TRPA1: variants seen among roughly 807,000 people sequenced by gnomAD.
TRPA1 encodes the protein transient receptor potential cation channel subfamily A member 1.
TRPA1 carries 129 observed loss-of-function variants against 131.3 expected under a neutral mutation model. The ratio of observed to expected loss-of-function variants is 0.98; its 90% CI spans 0.85 to 1.14. The LOEUF is 1.14. Ranked by LOEUF, TRPA1 falls within the 50% of genes most tolerant of loss-of-function variation. The pLI is 0.00. For synonymous variants in TRPA1, 441 were observed against 451.7 expected (o/e 0.98, Z 0.30); for missense variants, 1,304 against 1,354.2 (o/e 0.96, Z 0.58).
At position 72,057,749 on chromosome 8, in the gene TRPA1, G is replaced by C; in HGVS notation, c.1061C>G (p.Ser354Cys). Residue 354 changes from serine to cysteine, a missense_variant, in exon 9 of 27, where the codon TCT (serine) becomes TGT (cysteine). Physicochemically the swap from Ser to Cys is moderately radical, Grantham distance 112 (BLOSUM62 -1). Coordinates refer to ENST00000262209, the MANE Select transcript of TRPA1 (RefSeq NM_007332.3). ...SPLILATASA[S>C]WNIVNLLLSK... The stretch of plus-strand genomic sequence containing the variant: ...GAGTAGCAAATTTACAATATTCCAA[G>C]ATGCAGAAGCAGTTGCTAATATAAG... The C allele has an allele frequency of 6.2e-7, 1 of 1,613,928 alleles. No individual in the cohort carries two copies. The highest frequency in any genetic ancestry group is 8.5e-7 in the Non-Finnish European group (1 of 1,179,880).
At chr8:72,067,125 C>A (rs1465321496) in intron 3 of TRPA1, among the ~76,000 whole-genome samples, 1 of 152,128 alleles carries the variant, frequency 6.6e-6, no homozygotes, top group East Asian at 1.9e-4. Context: ...TACTTTACAA[C>A]CATTATAGGC....
At chr8:72,041,814 G>GA (rs1261588304) in intron 17 of TRPA1, among the ~76,000 whole-genome samples, 27 of 151,326 alleles carry the variant, frequency 1.8e-4, no homozygotes, top group African/African-American at 6.3e-4. Context: ...AAAGAAAGAA[G>GA]AACAGACTAA....
intron 14 of TRPA1, 60 bp downstream of exon 14, chr8:72,052,539 A>C (rs752007632): frequency 1.2e-6 from 2 of 1,600,478 alleles, no homozygotes; most frequent in South Asian, 2.2e-5. Flanking sequence ...TTTGTCTCAG[A>C]CTTCAAATCA....
At position 72,075,287 on chromosome 8, in the gene TRPA1, C is replaced by T. The variant is rs368154981; in HGVS notation, c.111+12G>A. 2.5e-6 allele frequency: 4 copies of T among 1,606,010 alleles called. No homozygotes were observed. The highest frequency in any genetic ancestry group is 2.6e-6 in the Non-Finnish European group (3 of 1,173,590). On this transcript the variant is annotated intron_variant, in intron 1 of 26. Transcript: ENST00000262209. The stretch of plus-strand genomic sequence containing the variant: ...GTCGGAACCCCTCCAGACCCGCGAG[C>T]CCCCAGAGTACCTTAAGCGATTCCT...
chr8:72,085,224 G>C, the TRPA1 span, among the ~76,000 whole-genome samples: 4 of 152,016 alleles, frequency 2.6e-5, no homozygotes, highest in South Asian at 8.3e-4. Flanking sequence ...ATATATGGCT[G>C]AAGTTCCATT....
chr8:72,039,535 C>T (rs1812174706), intron 18 of TRPA1, among the ~76,000 whole-genome samples, 192 bp downstream of exon 18: 1 of 151,804 alleles, frequency 6.6e-6, no homozygotes, highest in Non-Finnish European at 1.5e-5. Flanking sequence ...TTTATTTGGT[C>T]TTTTTCACTT....
intron 14 of TRPA1, among the ~76,000 whole-genome samples, chr8:72,052,340 G>A (rs1043249869): frequency 1.3e-5 from 2 of 152,080 alleles, no homozygotes; most frequent in African/African-American, 2.4e-5. Flanking sequence ...GAGAATTGCT[G>A]AAGCCCGGGA....
At chr8:72,054,805 C>T (rs1009171953) in intron 12 of TRPA1, 11 of 152,342 alleles carry the variant, frequency 7.2e-5, no homozygotes, top group Non-Finnish European at 1.3e-4. Context: ...GGTAAGATAT[C>T]AAATGAAAAA....
At chr8:72,053,682 A>C in intron 13 of TRPA1, 71 bp downstream of exon 13, 1 of 1,117,912 alleles carries the variant, frequency 8.9e-7, no homozygotes, top group Non-Finnish European at 1.3e-6. Flanking sequence ...TGTCTAGGAG[A>C]GTTTTCTGGC....
chr8:72,054,705 GTA>G (rs1805616721), intron 12 of TRPA1: 1 of 152,308 alleles, frequency 6.6e-6, no homozygotes, highest in Admixed American at 6.6e-5. Flanking sequence ...ATTCATTCAT[GTA>G]GCTGTAGCAC....
At chr8:72,024,801 C>T (rs781418216) in intron 25 of TRPA1, among the ~76,000 whole-genome samples, 34 of 152,124 alleles carry the variant, frequency 2.2e-4, no homozygotes, top group Non-Finnish European at 4.4e-4. Flanking sequence ...CATTCTGTTT[C>T]GGTAGTAATT....
At chr8:72,028,015 A>T (rs1455866317) in intron 24 of TRPA1, among the ~76,000 whole-genome samples, 1 of 152,224 alleles carries the variant, frequency 6.6e-6, no homozygotes, top group East Asian at 1.9e-4. Flanking sequence ...TATTTTAAAG[A>T]GCTGTTAGGG....
At chr8:72,075,859 AGTGTGTGTGTGTGTGTGTGTGTGT>A (rs61575164), upstream of TRPA1, among the ~76,000 whole-genome samples, 10 of 135,032 alleles carry the variant, frequency 7.4e-5, no homozygotes, top group South Asian at 5.2e-4. Flanking sequence ...CTTGCATGTG[AGTGTGTGTGTGTGTGTGTGTGTGT>A]GTGTGTGTGT....
At chr8:72,079,800 T>C (rs1806255435), upstream of TRPA1, among the ~76,000 whole-genome samples, 2 of 151,984 alleles carry the variant, frequency 1.3e-5, no homozygotes, top group Admixed American at 1.3e-4. Flanking sequence ...AAACATGGTA[T>C]ATTTTCAGTT....
rs1206621508 is a variant in TRPA1, at chr8:72,022,714, C to T, written c.*192G>A. On this transcript the variant is annotated 3_prime_UTR_variant, in exon 27 of 27. Coordinates refer to ENST00000262209, the MANE Select transcript of TRPA1 (RefSeq NM_007332.3). ...TTGAACATATCTGCAAAGATATCCC[C>T]AATACATAGTGATTGGTAGAAAATA... 11 of 658,464 alleles carry T rather than the reference C, an allele frequency of 1.7e-5. No homozygotes were observed. The highest frequency in any genetic ancestry group is 8.8e-5 in the Admixed American group (4 of 45,210). The allele number at this position is 658,464 out of a possible 1,614,324, so 40.8% of individuals were successfully genotyped here.
At chr8:72,034,110 A>T in intron 22 of TRPA1, 138 bp downstream of exon 22, 24 of 1,003,530 alleles carry the variant, frequency 2.4e-5, no homozygotes, top group Non-Finnish European at 3.5e-5. Context: ...CATTTGAAAG[A>T]TATAGGAGAT....
At chr8:72,076,792 A>G (rs939104166), upstream of TRPA1, among the ~76,000 whole-genome samples, 2 of 152,208 alleles carry the variant, frequency 1.3e-5, no homozygotes, top group Non-Finnish European at 2.9e-5. Flanking sequence ...TGGAAGGATA[A>G]TATTGAACTT....
the TRPA1 span, among the ~76,000 whole-genome samples, chr8:72,088,788 T>A: frequency 2.0e-5 from 3 of 152,170 alleles, no homozygotes; most frequent in African/African-American, 7.2e-5. Context: ...TGTACTTTGT[T>A]ATAGAGAAAC....
upstream of TRPA1, chr8:72,076,372 A>G (rs1483179504): frequency 6.6e-5 from 10 of 152,152 alleles, no homozygotes; most frequent in East Asian, 1.7e-3. Context: ...TTCTACTTTT[A>G]CGTACAGACA....
Sources: gnomAD v4.1 joint callset for allele counts (sites outside exome capture counted in the v4.1 genomes callset) on GRCh38, gnomAD v4.1.1 for gene constraint, MANE v1.5 for transcripts, NCBI Gene and HGNC (gene_info 2026-07-23, HGNC 2026-07-21) for gene names.